Variants in RBM23 observed in about 807,000 individuals in gnomAD.
RBM23 encodes the protein probable RNA-binding protein 23.
RBM23 carries 53 observed loss-of-function variants against 56.2 expected under a neutral mutation model. That is an observed-to-expected ratio of 0.94 (90% CI 0.76 to 1.19). The LOEUF is 1.19. Ranked by LOEUF, RBM23 falls within the 50% of genes most tolerant of loss-of-function variation. The probability of loss-of-function intolerance (pLI) is 0.00; values close to 1 mark genes in which losing one functional copy is unlikely to be tolerated. For missense variants in RBM23, 642 were observed against 590.3 expected, an observed-to-expected ratio of 1.09 and a Z score of -0.91; for synonymous variants, 197 against 198.5, an observed-to-expected ratio of 0.99 and a Z score of 0.06.
In RBM23 at chr14:22,906,211, G is replaced by A. The variant is rs2041518837; in HGVS notation, c.385C>T (p.Pro129Ser). ...RREDRVHYRS[P>S]PLATGYRYGH... ...AAGTGATACCCAGTGGCAAGTGGAG[G>A]ACTCCTGTAATGCACACGATCCTCA... The change falls in exon 5 of 14, where the codon CCT becomes TCT. Residue 129 changes from proline to serine, a missense_variant. Pro to Ser is a moderately conservative substitution (Grantham distance 74). Coordinates refer to ENST00000359890, the MANE Select transcript of RBM23 (RefSeq NM_001077351.2). The A allele has an allele frequency of 6.2e-7, 1 of 1,614,088 alleles. No homozygotes were observed. The highest frequency in any genetic ancestry group is 8.5e-7 in the Non-Finnish European group (1 of 1,179,980).
rs2042120878 is a variant in RBM23, at chr14:22,909,569, T to C, written c.93A>G (p.Lys31=). The C allele has an allele frequency of 1.2e-6, 2 of 1,613,496 alleles. No individual in the cohort carries two copies. The highest frequency in any genetic ancestry group is 8.5e-7 in the Non-Finnish European group (1 of 1,179,992). ...EEDEQQRKEV[K]KDYPSNTTSS... ...TGGTGGTATTGCTAGGATAATCCTT[T>C]TTAACTTCTTTCCTTTGTTGCTCAT... Residue 31 remains lysine (K), a synonymous_variant, in exon 3 of 14, where the codon AAA becomes AAG. Transcript: ENST00000359890.
In RBM23 at chr14:22,896,429, CT is replaced by C. The variant is rs1361095405; in HGVS notation, c.*5300del. On this transcript the variant is annotated 3_prime_UTR_variant, in exon 14 of 14. Transcript: ENST00000359890. ...AGGCGAATTCTTAGCACCACTAATT[CT>C]AAGCAAGTAGGCTTCCTGATGCCTG... The C allele has an allele frequency of 6.6e-6, 1 of 152,156 alleles. No homozygotes were observed. The highest frequency in any genetic ancestry group is 2.4e-5 in the African/African-American group (1 of 41,432). The allele number at this position is 152,156 out of a possible 1,614,324, so 9.4% of individuals were successfully genotyped here.
At chr14:22,903,758 A>G (rs995538281) in intron 10 of RBM23, 5 of 1,002,096 alleles carry the variant, frequency 5.0e-6, no homozygotes, top group Middle Eastern at 5.1e-4. Context: ...ATGTCAGGAA[A>G]AGGTGAAGCT....
At chr14:22,904,731 A>C in intron 9 of RBM23, 144 bp downstream of exon 9, 1 of 1,261,662 alleles carries the variant, frequency 7.9e-7, no homozygotes, top group Non-Finnish European at 1.1e-6. Context: ...GATGGAGCCA[A>C]ACTTTCACAG....
chr14:22,908,168 G>A (rs114271420), intron 4 of RBM23, among the ~76,000 whole-genome samples, 165 bp downstream of exon 4: 3,788 of 152,062 alleles, frequency 0.025, 158 homozygotes, highest in African/African-American at 0.086. Context: ...GTACAAACAT[G>A]TACTACTACA....
At chr14:22,908,671 T>C (rs2041978101) in intron 3 of RBM23, 1 of 295,098 alleles carries the variant, frequency 3.4e-6, no homozygotes, top group Non-Finnish European at 6.3e-6. Flanking sequence ...TGGGATTACA[T>C]GCATGAGCCC....
chr14:22,908,193 A>T, intron 4 of RBM23, 140 bp downstream of exon 4: 2 of 888,876 alleles, frequency 2.3e-6, no homozygotes, highest in Non-Finnish European at 1.7e-6. Context: ...GGTAATTTTT[A>T]AATTTTTTGT....
chr14:22,905,782 G>T, intron 5 of RBM23, 123 bp from the exon 6 acceptor site: 2 of 785,196 alleles, frequency 2.5e-6, no homozygotes, highest in Non-Finnish European at 4.1e-6. Flanking sequence ...CAGGGTTTCC[G>T]CTGTCACCCA....
Position 22,899,681 on chromosome 14 carries a change from C to T in RBM23, c.*2049G>A, listed in dbSNP as rs2040313178. The T allele has an allele frequency of 6.6e-6, 1 of 152,238 alleles. No homozygotes were observed. The highest frequency in any genetic ancestry group is 1.5e-5 in the Non-Finnish European group (1 of 68,074). The allele number at this position is 152,238 out of a possible 1,614,324, so 9.4% of individuals were successfully genotyped here. A position where few individuals can be genotyped will look rare whatever the true frequency, so the allele number is the denominator to read the frequency against. ...GTGAGCCAGTGCACCCAGCCTACAC[C>T]TCTTTTCTTTACAAATTAGTCTGTG... is the stretch of plus-strand genomic sequence containing the variant. On this transcript the variant is annotated 3_prime_UTR_variant, in exon 14 of 14. Coordinates refer to ENST00000359890, the MANE Select transcript of RBM23 (RefSeq NM_001077351.2).
intron 7 of RBM23, 35 bp downstream of exon 7, chr14:22,905,299 TAA>T: frequency 1.9e-6 from 3 of 1,613,936 alleles, no homozygotes; most frequent in African/African-American, 1.3e-5. Context: ...AGATACAAGC[TAA>T]GCTACTCAGA....
In RBM23 at chr14:22,905,439, T is replaced by C. The variant is rs1330592082; in HGVS notation, c.470A>G (p.Asn157Ser). ...EKSPVREPVD[N>S]LSPEERDART... The stretch of plus-strand genomic sequence containing the variant: ...GGCATCACGCTCCTCAGGACTCAGA[T>C]TATCAACTGGCTCCCTGAAGAGTGA... Residue 157 changes from asparagine to serine, a missense_variant, in exon 7 of 14, where the codon AAT becomes AGT. Coordinates refer to ENST00000359890, the MANE Select transcript of RBM23 (RefSeq NM_001077351.2). The C allele has an allele frequency of 6.2e-7, 1 of 1,614,178 alleles. No homozygotes were observed. Among genetic ancestry groups the C allele is most frequent in the Non-Finnish European group, 8.5e-7 (1 of 1,180,022 alleles).
Position 22,898,847 on chromosome 14 carries a change from T to A in RBM23, c.*2883A>T, listed in dbSNP as rs1359838079. ...GAAGACCCAGTTCATGGCCTCAGGA[T>A]GACTAACAAAAACGGTACCCACTGC... On this transcript the variant is annotated 3_prime_UTR_variant, in exon 14 of 14. Transcript: ENST00000359890. 1.3e-5 allele frequency: 2 copies of A among 151,996 alleles called. No homozygotes were observed. The highest frequency in any genetic ancestry group is 2.9e-5 in the Non-Finnish European group (2 of 68,040). 9.4% of individuals were successfully genotyped at this position (151,996 alleles called of 1,614,324 possible). A position where few individuals can be genotyped will look rare whatever the true frequency, so the allele number is the denominator to read the frequency against.
intron 4 of RBM23, among the ~76,000 whole-genome samples, chr14:22,907,779 CTA>C (rs746699590): frequency 1.3e-5 from 2 of 152,178 alleles, no homozygotes; most frequent in African/African-American, 2.4e-5. Flanking sequence ...GAGTACAACT[CTA>C]TGTGTATTAA....
intron 2 of RBM23, 137 bp downstream of exon 2, chr14:22,911,191 T>A: frequency 1.4e-6 from 1 of 730,458 alleles, no homozygotes; most frequent in Non-Finnish European, 2.3e-6. Flanking sequence ...ACTAAGACTA[T>A]GCCTTTTATG....
rs542185003 is a variant in RBM23, at chr14:22,903,567, A to T, written c.930+694T>A. 3.0e-6 allele frequency: 3 copies of T among 987,240 alleles called. No homozygotes were observed. The South Asian group carries it at 1.4e-4, about 46-fold the overall frequency. The allele number at this position is 987,240 out of a possible 1,614,324, so 61.2% of individuals were successfully genotyped here. On this transcript the variant is annotated intron_variant, in intron 10 of 13. Coordinates refer to ENST00000359890, the MANE Select transcript of RBM23 (RefSeq NM_001077351.2). ...GGATATTTTTGAGGTGAGCAATTCC[A>T]ATGACAGAATACAACCTACTGCCCT...
At chr14:22,906,162 T>A (rs753478342) in intron 5 of RBM23, 33 bp downstream of exon 5, 2 of 1,610,862 alleles carry the variant, frequency 1.2e-6, no homozygotes, top group Non-Finnish European at 1.7e-6. Context: ...CAGATTATTA[T>A]ACAAAAGTGA....
In RBM23 at chr14:22,904,330, T is replaced by C. The variant is rs912834689; in HGVS notation, c.865-4A>G. 4 of 1,603,354 alleles carry C rather than the reference T, an allele frequency of 2.5e-6. No homozygotes were observed. In the African/African-American group the frequency reaches 4.0e-5, roughly 16 times the overall value. On this transcript the variant is annotated splice_polypyrimidine_tract_variant and splice_region_variant and intron_variant, in intron 9 of 13. Coordinates refer to ENST00000359890, the MANE Select transcript of RBM23 (RefSeq NM_001077351.2). ...TCATCAGGACAATATTATCAATCTGTAGAAGAGTGAGAAATTATCAGTAAA... is the reference window on the plus strand; with the variant it reads ...TCATCAGGACAATATTATCAATCTGCAGAAGAGTGAGAAATTATCAGTAAA...
rs1192298838 is a variant in RBM23, at chr14:22,909,563, A to T, written c.99T>A (p.Asp33Glu). Reference protein sequence around the residue: ...DEQQRKEVKKDYPSNTTSSTS... With the variant: ...DEQQRKEVKKEYPSNTTSSTS... ...TGCTGCTGGTGGTATTGCTAGGATAATCCTTTTTAACTTCTTTCCTTTGTT... is the reference window on the plus strand; with the variant it reads ...TGCTGCTGGTGGTATTGCTAGGATATTCCTTTTTAACTTCTTTCCTTTGTT... The change falls in exon 3 of 14, where the codon GAT becomes GAA. Residue 33 changes from aspartate (D) to glutamate (E), a missense_variant. By Grantham distance (45) the Asp-to-Glu change is conservative. Coordinates refer to ENST00000359890, the MANE Select transcript of RBM23 (RefSeq NM_001077351.2). 1.9e-6 allele frequency: 3 copies of T among 1,613,454 alleles called. No individual in the cohort carries two copies. Among genetic ancestry groups the T allele is most frequent in the Admixed American group, 1.7e-5 (1 of 59,994 alleles).
At position 22,902,346 on chromosome 14, in the gene RBM23, G is replaced by A. The variant is rs754942826; in HGVS notation, c.967C>T (p.Gln323Ter). The change falls in exon 11 of 14, where the codon CAG becomes TAG. Residue 323 changes from glutamine (Q) to a stop codon, truncating the protein, a stop_gained. Coordinates refer to ENST00000359890, the MANE Select transcript of RBM23 (RefSeq NM_001077351.2). LOFTEE classifies it high-confidence loss of function. ...CCAGCAAGCTCAAACCCATTCAACT[G>A]TTCCAGGGCCCGCCGGGCACACTCA... ...DSECARRALE[Q>*]LNGFELAGRP... is the part of the protein sequence containing the mutation. 4 of 1,613,838 alleles carry A rather than the reference G, an allele frequency of 2.5e-6. No homozygotes were observed. The highest frequency in any genetic ancestry group is 2.5e-6 in the Non-Finnish European group (3 of 1,179,784).
Sources: gnomAD v4.1 joint callset for allele counts (sites outside exome capture counted in the v4.1 genomes callset) on GRCh38, gnomAD v4.1.1 for gene constraint, MANE v1.5 for transcripts, NCBI Gene and HGNC (gene_info 2026-07-23, HGNC 2026-07-21) for gene names.